TMPRSS6: variants seen among roughly 807,000 people sequenced by gnomAD.
TMPRSS6 encodes transmembrane protease serine 6.
In TMPRSS6, 67 loss-of-function variants were observed where a neutral mutation model predicts 101.5. That is an observed-to-expected ratio of 0.66 (90% confidence interval 0.54 to 0.81). The LOEUF (loss-of-function observed/expected upper bound fraction) is 0.81, where lower values mean the gene tolerates loss of function less well. Ranked by LOEUF, TMPRSS6 falls within the 30% of genes least tolerant of loss-of-function variation. The pLI is 0.00. For synonymous variants in TMPRSS6, 453 were observed against 464.9 expected (o/e 0.97, Z 0.33); for missense variants, 1,034 against 1,088.7 (o/e 0.95, Z 0.71).
At chr22:37,108,206 G>A (rs1206880650) in intron 1 of TMPRSS6, among the ~76,000 whole-genome samples, 1 of 152,152 alleles carries the variant, frequency 6.6e-6, no homozygotes, top group Non-Finnish European at 1.5e-5. Context: ...TGGACCTTGA[G>A]CCCTGTCAGT....
intron 10 of TMPRSS6, 44 bp downstream of exon 10, chr22:37,084,251 G>A (rs140174851): frequency 2.6e-6 from 4 of 1,516,360 alleles, no homozygotes; most frequent in Non-Finnish European, 3.6e-6. Flanking sequence ...AGAGAGGGAG[G>A]GGGAGGGAGG....
At chr22:37,071,836 G>A (rs938473956) in intron 13 of TMPRSS6, among the ~76,000 whole-genome samples, 6 of 152,214 alleles carry the variant, frequency 3.9e-5, no homozygotes, top group South Asian at 2.1e-4. Context: ...TTGGATAAAC[G>A]TGTGGATATA....
At position 37,066,214 on chromosome 22, in the gene TMPRSS6, A is replaced by C. The variant is rs1391582811; in HGVS notation, c.2275T>G (p.Cys759Gly). ...CQGDSGGPLV[C>G]KALSGRWFLA... The stretch of plus-strand genomic sequence containing the variant: ...AACCAGCGGCCACTGAGTGCCTTGC[A>C]CACCAGCGGACCACCTGAGTCACCC... Residue 759 changes from cysteine (C) to glycine (G), a missense_variant, in exon 18 of 18, where the codon TGC (cysteine) becomes GGC (glycine). Transcript: ENST00000676104. The C allele has an allele frequency of 6.2e-7, 1 of 1,612,256 alleles. No individual in the cohort carries two copies. The highest frequency in any genetic ancestry group is 8.5e-7 in the Non-Finnish European group (1 of 1,179,532).
At chr22:37,110,509 CTT>C (rs1037251035), upstream of TMPRSS6, among the ~76,000 whole-genome samples, 1 of 152,124 alleles carries the variant, frequency 6.6e-6, no homozygotes, top group African/African-American at 2.4e-5. Context: ...ACCCGTGGCT[CTT>C]GAGTCAGTCT....
rs140207191 is a variant in TMPRSS6, at chr22:37,066,115, C to T, written c.2374G>A (p.Gly792Ser). Reference sequence around the variant, plus strand: ...ACTTGCTGGATCCAGCTGATCACACCTGTGATGCGGGTGTAGACGCCGAAG... The same window carrying T: ...ACTTGCTGGATCCAGCTGATCACACTTGTGATGCGGGTGTAGACGCCGAAG... ...NYFGVYTRIT[G>S]VISWIQQVVT Residue 792 changes from glycine to serine, a missense_variant, in exon 18 of 18, where the codon GGT (glycine) becomes AGT (serine). By Grantham distance (56) the Gly-to-Ser change is moderately conservative. Transcript: ENST00000676104. 2.1e-4 allele frequency: 343 copies of T among 1,613,488 alleles called. No homozygotes were observed. The highest frequency in any genetic ancestry group is 2.8e-4 in the Non-Finnish European group (325 of 1,180,028).
rs1445589368 is a variant in TMPRSS6, at chr22:37,086,427, A to T, written c.837-8T>A. Reference sequence around the variant, plus strand: ...CGGCTGCAGCCGTACACCCTGGCAGAACAGAAAGGTGGCAAGGCTGGGCTG... The same window carrying T: ...CGGCTGCAGCCGTACACCCTGGCAGTACAGAAAGGTGGCAAGGCTGGGCTG... On this transcript the variant is annotated splice_region_variant and splice_polypyrimidine_tract_variant and intron_variant, in intron 7 of 17. Transcript: ENST00000676104. 7.0e-6 allele frequency: 11 copies of T among 1,574,648 alleles called. No individual in the cohort carries two copies. The highest frequency in any genetic ancestry group is 9.5e-6 in the Non-Finnish European group (11 of 1,159,914).
At chr22:37,066,553 A>T (rs962969557) in intron 17 of TMPRSS6, among the ~76,000 whole-genome samples, 1 of 152,216 alleles carries the variant, frequency 6.6e-6, no homozygotes, top group Non-Finnish European at 1.5e-5. Flanking sequence ...CCCTGGGCCT[A>T]GTGCCTTGTG....
At chr22:37,088,425 A>G (rs1029118528) in intron 7 of TMPRSS6, among the ~76,000 whole-genome samples, 3 of 152,216 alleles carry the variant, frequency 2.0e-5, no homozygotes, top group African/African-American at 7.2e-5. Context: ...AGTGAGACAG[A>G]AGAGGCATCA....
rs370457767 is a variant in TMPRSS6 at position 37,103,814 on chromosome 22, G to A, written c.-1-396C>T. ...ATCTGACCTCTTGCCCTCATTTCCC[G>A]TCCACGCAAGGAATGCTGTTTCTTG... is the stretch of plus-strand genomic sequence containing the variant. On this transcript the variant is annotated intron_variant, in intron 1 of 17. Transcript: ENST00000676104. The surrounding 1 kb of genome is among the most constrained non-coding windows in gnomAD (Gnocchi z 4.4). 3.3e-5 allele frequency among the ~76,000 whole-genome samples: 5 copies of A among 152,118 alleles called. No homozygotes were observed. The highest frequency in any genetic ancestry group is 3.9e-4 in the East Asian group (2 of 5,192).
intron 2 of TMPRSS6, among the ~76,000 whole-genome samples, chr22:37,102,503 A>C (rs1428095378): frequency 1.3e-5 from 2 of 152,230 alleles, no homozygotes; most frequent in Non-Finnish European, 2.9e-5. Context: ...GAAAGATAAT[A>C]GATGCTCAAG....
chr22:37,086,250 C>G (rs544010972), intron 8 of TMPRSS6, 33 bp downstream of exon 8: 3 of 1,613,992 alleles, frequency 1.9e-6, no homozygotes, highest in African/African-American at 2.7e-5. Flanking sequence ...TACCACCACC[C>G]CTCCCCTGCC....
At chr22:37,083,369 C>T (rs1258966965) in intron 10 of TMPRSS6, among the ~76,000 whole-genome samples, 1 of 152,158 alleles carries the variant, frequency 6.6e-6, no homozygotes, top group East Asian at 1.9e-4. Context: ...TGCCCACCCT[C>T]CCCACTCTAA....
Position 37,065,904 on chromosome 22 carries a change from C to T in TMPRSS6, c.*176G>A, listed in dbSNP as rs1200339806. On this transcript the variant is annotated 3_prime_UTR_variant, in exon 18 of 18. Coordinates refer to ENST00000676104, the MANE Select transcript of TMPRSS6 (RefSeq NM_001374504.1). ...TGACCCCCAGCTGCTGGCACTTCTCCATCCTCCTGCCATCACTGGAGCAGA... is the reference window on the plus strand; with the variant it reads ...TGACCCCCAGCTGCTGGCACTTCTCTATCCTCCTGCCATCACTGGAGCAGA... 1.2e-6 allele frequency: 1 copy of T among 814,300 alleles called. No individual in the cohort carries two copies. The highest frequency in any genetic ancestry group is 1.9e-6 in the Non-Finnish European group (1 of 519,536). 50.4% of individuals were successfully genotyped at this position (814,300 alleles called of 1,614,324 possible). A position where few individuals can be genotyped will look rare whatever the true frequency, so the allele number is the denominator to read the frequency against.
chr22:37,079,923 G>A (rs776678346), intron 10 of TMPRSS6: 3 of 152,314 alleles, frequency 2.0e-5, no homozygotes, highest in Non-Finnish European at 4.4e-5. Flanking sequence ...GAGAACACAA[G>A]GGCCACCCCA....
At chr22:37,072,126 ATGATGG>A (rs1926997271) in intron 13 of TMPRSS6, among the ~76,000 whole-genome samples, 1 of 142,406 alleles carries the variant, frequency 7.0e-6, no homozygotes. Context: ...TGATGGATGG[ATGATGG>A]ATGGATGGAT....
chr22:37,107,838 C>G (rs1282190533), intron 1 of TMPRSS6, among the ~76,000 whole-genome samples: 1 of 152,322 alleles, frequency 6.6e-6, no homozygotes, highest in East Asian at 1.9e-4. Context: ...TCCCGTCTCT[C>G]CTGCATTTTT....
chr22:37,079,005 G>GAAAGAA (rs1569006326), intron 10 of TMPRSS6, among the ~76,000 whole-genome samples: 114 of 151,584 alleles, frequency 7.5e-4, no homozygotes, highest in African/African-American at 2.7e-3. Context: ...AAGAAAGAAA[G>GAAAGAA]AAAGAAAGAA....
At chr22:37,100,370 G>A (rs7289616) in intron 2 of TMPRSS6, among the ~76,000 whole-genome samples, 55,128 of 152,180 alleles carry the variant, frequency 0.36, 10,160 homozygotes, top group African/African-American at 0.38. Flanking sequence ...GAGGCAGGGA[G>A]AGCATCGAGG....
intron 16 of TMPRSS6, 122 bp from the exon 17 acceptor site, chr22:37,067,084 A>C (rs1601511763): frequency 2.1e-6 from 3 of 1,437,334 alleles, no homozygotes; most frequent in Non-Finnish European, 2.9e-6. Context: ...GCCCACCCTT[A>C]CCCCTGCTAG....
Sources: allele counts gnomAD v4.1 joint callset (sites outside exome capture counted in the v4.1 genomes callset), GRCh38; gene constraint gnomAD v4.1.1; non-coding constraint Gnocchi (gnomAD v3.1); transcripts MANE v1.5; gene names NCBI Gene and HGNC (gene_info 2026-07-23, HGNC 2026-07-21).